Variants in BBS9 observed in about 807,000 individuals in gnomAD.
The protein encoded by BBS9 is protein PTHB1.
BBS9 carries 89 observed loss-of-function variants against 117.7 expected under a neutral mutation model. The ratio of observed to expected loss-of-function variants is 0.76; its 90% CI spans 0.64 to 0.90. The LOEUF is 0.90. BBS9 is among the 40% of genes least tolerant of loss of function. The probability of loss-of-function intolerance (pLI) is 0.00; values close to 1 mark genes in which losing one functional copy is unlikely to be tolerated. For missense variants in BBS9, 982 were observed against 1,042.2 expected (o/e 0.94, Z 0.80); for synonymous variants, 379 against 370.9 (o/e 1.02, Z -0.25).
intron 1 of BBS9, among the ~76,000 whole-genome samples, chr7:33,131,127 C>T (rs1207702449): frequency 6.6e-6 from 1 of 152,174 alleles, no homozygotes; most frequent in Admixed American, 6.6e-5. Context: ...TTTAAAATTT[C>T]GGTCCAGAGG....
chr7:33,358,986 A>G (rs1350015693), intron 16 of BBS9, among the ~76,000 whole-genome samples: 1 of 151,864 alleles, frequency 6.6e-6, no homozygotes, highest in Non-Finnish European at 1.5e-5. Context: ...TTTTACTACA[A>G]TTATTCTATT....
At chr7:33,300,300 G>C (rs1806118326) in intron 9 of BBS9, among the ~76,000 whole-genome samples, 1 of 152,116 alleles carries the variant, frequency 6.6e-6, no homozygotes, top group African/African-American at 2.4e-5. Context: ...CAGAGGGAAA[G>C]GGATCCTTGG....
At chr7:33,492,885 G>A (rs1432982666) in intron 19 of BBS9, among the ~76,000 whole-genome samples, 1 of 150,690 alleles carries the variant, frequency 6.6e-6, no homozygotes, top group Admixed American at 6.6e-5. Context: ...ATGGCACAGT[G>A]GAAAATGCTT....
intron 21 of BBS9, among the ~76,000 whole-genome samples, chr7:33,615,217 A>C (rs1273815874): frequency 2.6e-5 from 4 of 152,088 alleles, no homozygotes; most frequent in Non-Finnish European, 5.9e-5. Context: ...TACAAGGCAT[A>C]CTAAATGGCC....
chr7:33,273,498 C>A (rs934928892), intron 8 of BBS9, among the ~76,000 whole-genome samples: 1 of 152,050 alleles, frequency 6.6e-6, no homozygotes, highest in African/African-American at 2.4e-5. Flanking sequence ...CTTTTATAAG[C>A]ACAATAGTAA....
At chr7:33,392,458 T>C (rs948220594) in intron 19 of BBS9, among the ~76,000 whole-genome samples, 5 of 152,170 alleles carry the variant, frequency 3.3e-5, no homozygotes, top group Admixed American at 1.3e-4. Flanking sequence ...AGGCTGGGCT[T>C]GTTCACATGG....
intron 21 of BBS9, among the ~76,000 whole-genome samples, chr7:33,571,070 G>A (rs144137391): frequency 6.6e-6 from 1 of 152,212 alleles, no homozygotes; most frequent in Non-Finnish European, 1.5e-5. Context: ...TTAATTTCCT[G>A]GTTTTGGTAA....
At chr7:33,325,579 A>C (rs1812659049) in intron 9 of BBS9, among the ~76,000 whole-genome samples, 1 of 152,102 alleles carries the variant, frequency 6.6e-6, no homozygotes, top group Admixed American at 6.5e-5. Flanking sequence ...TTAGGTATTT[A>C]TTGTAGCCTT....
rs190682169 is a variant in BBS9, at chr7:33,484,072, A to T, written c.2116-21391A>T. 1.0e-3 allele frequency among the ~76,000 whole-genome samples: 156 copies of T among 152,326 alleles called. 1 individual carries two copies. The highest frequency in any genetic ancestry group is 1.8e-3 in the Non-Finnish European group (124 of 68,030). ...AGGCAATGTGGAGAAAAAGTTCTGA[A>T]ATGTGACTTATTGAGCTGAGACCTA... On this transcript the variant is annotated intron_variant, in intron 19 of 22. Transcript: ENST00000242067.
At chr7:33,252,769 G>A (rs17170140) in intron 5 of BBS9, among the ~76,000 whole-genome samples, 17,091 of 151,760 alleles carry the variant, frequency 0.11, 1,123 homozygotes, top group African/African-American at 0.18. Flanking sequence ...ATCTTCCACC[G>A]CAGGTCAAGG....
At chr7:33,365,620 T>G (rs1821541176) in intron 16 of BBS9, among the ~76,000 whole-genome samples, 1 of 152,236 alleles carries the variant, frequency 6.6e-6, no homozygotes, top group African/African-American at 2.4e-5. Context: ...TGGGCCAGTT[T>G]CCAGTGCCTG....
chr7:33,526,763 C>G (rs1311262504), intron 20 of BBS9, among the ~76,000 whole-genome samples: 1 of 151,680 alleles, frequency 6.6e-6, no homozygotes, highest in Non-Finnish European at 1.5e-5. Flanking sequence ...AAGTCATTCT[C>G]CATCCAGCTT....
intron 17 of BBS9, chr7:33,380,935 A>G (rs1824894006): frequency 6.6e-6 from 1 of 152,118 alleles, no homozygotes; most frequent in Non-Finnish European, 1.5e-5. Flanking sequence ...ACAGACACAC[A>G]TAAAAATAAG....
At chr7:33,424,232 T>C (rs1331522863) in intron 19 of BBS9, among the ~76,000 whole-genome samples, 1 of 152,238 alleles carries the variant, frequency 6.6e-6, no homozygotes, top group Non-Finnish European at 1.5e-5. Flanking sequence ...TGGCTTATCA[T>C]TTCCAGAGAA....
In BBS9 at chr7:33,152,851, C is replaced by T. The variant is rs749974697; in HGVS notation, c.263C>T (p.Ser88Leu). Residue 88 changes from serine to leucine, a missense_variant and splice_region_variant, in exon 3 of 23, where the codon TCA (serine) becomes TTA (leucine). Ser to Leu is a moderately radical substitution (Grantham distance 145). Transcript: ENST00000242067. Reference protein sequence around the residue: ...VLQVEVGKFVSGTEMLHLAVL... With the variant: ...VLQVEVGKFVLGTEMLHLAVL... The stretch of plus-strand genomic sequence containing the variant: ...CAAGTGGAAGTAGGAAAGTTTGTTT[C>T]GTAAGTAAGCCCACTAATTCTGGTA... 32 of 1,613,694 alleles carry T rather than the reference C, an allele frequency of 2.0e-5. No individual in the cohort carries two copies. Among genetic ancestry groups the T allele is most frequent in the Non-Finnish European group, 2.3e-5 (27 of 1,179,904 alleles).
intron 19 of BBS9, among the ~76,000 whole-genome samples, chr7:33,489,639 T>G (rs1843632659): frequency 6.6e-6 from 1 of 152,170 alleles, no homozygotes; most frequent in South Asian, 2.1e-4. Flanking sequence ...ATATTATTTT[T>G]GATCATCAAA....
At chr7:33,628,262 G>C (rs1865734274) in intron 21 of BBS9, among the ~76,000 whole-genome samples, 2 of 151,984 alleles carry the variant, frequency 1.3e-5, no homozygotes. Context: ...AAAAACTAGA[G>C]ACCAATGTCC....
intron 20 of BBS9, among the ~76,000 whole-genome samples, chr7:33,529,383 T>A (rs368763087): frequency 6.6e-6 from 1 of 152,162 alleles, no homozygotes; most frequent in East Asian, 1.9e-4. Flanking sequence ...AGTGACACTT[T>A]CAGCAGGCTC....
rs549975781 is a variant in BBS9, at chr7:33,411,776, C to T, written c.2115+23632C>T. On this transcript the variant is annotated intron_variant, in intron 19 of 22. Coordinates refer to ENST00000242067, the MANE Select transcript of BBS9 (RefSeq NM_198428.3). ...ATTAAAATTTAGGGATTAAGAGATT[C>T]AATTTAAAGGATTGTGCTATCAAAT... Among the ~76,000 whole-genome samples the T allele has an allele frequency of 2.0e-3, 299 of 152,098 alleles. 3 individuals carry two copies. Among genetic ancestry groups the T allele is most frequent in the Middle Eastern group, 0.017 (5 of 292 alleles).
Sources: allele counts gnomAD v4.1 joint callset (sites outside exome capture counted in the v4.1 genomes callset), GRCh38; gene constraint gnomAD v4.1.1; transcripts MANE v1.5; gene names NCBI Gene and HGNC (gene_info 2026-07-23, HGNC 2026-07-21).